Variants in SPAG16 observed in about 807,000 individuals in gnomAD.
The protein encoded by SPAG16 is sperm associated antigen 16, also known as sperm-associated antigen 16 protein.
In SPAG16, 86 loss-of-function variants were observed where a neutral mutation model predicts 80.4. That is an observed-to-expected ratio of 1.07 (90% CI 0.90 to 1.28). The LOEUF (loss-of-function observed/expected upper bound fraction) is 1.28. Ranked by LOEUF, SPAG16 falls within the 50% of genes most tolerant of loss-of-function variation. The pLI is 0.00. For synonymous variants in SPAG16, 294 were observed against 265.9 expected (o/e 1.11, Z -1.03); for missense variants, 870 against 765.3 (o/e 1.14, Z -1.61).
At chr2:213,708,801 A>T (rs146036704) in intron 10 of SPAG16, among the ~76,000 whole-genome samples, 2 of 152,140 alleles carry the variant, frequency 1.3e-5, no homozygotes, top group Non-Finnish European at 2.9e-5. Context: ...GGGGGAAAAA[A>T]GTACTGGGGT....
chr2:213,801,000 C>T (rs933632694), intron 10 of SPAG16, among the ~76,000 whole-genome samples: 8 of 152,080 alleles, frequency 5.3e-5, no homozygotes, highest in African/African-American at 1.9e-4. Flanking sequence ...ACTTTGATAT[C>T]CCATCATTAT....
intron 12 of SPAG16, among the ~76,000 whole-genome samples, chr2:213,988,422 A>T (rs2046122168): frequency 6.6e-6 from 1 of 152,160 alleles, no homozygotes; most frequent in African/African-American, 2.4e-5. Flanking sequence ...AAACTGAATT[A>T]AATTAGAAAT....
intron 15 of SPAG16, among the ~76,000 whole-genome samples, chr2:214,220,544 T>A (rs532993701): frequency 1.3e-5 from 2 of 152,200 alleles, no homozygotes; most frequent in South Asian, 2.1e-4. Flanking sequence ...CATTCACACC[T>A]CTCACGTCCA....
chr2:213,855,391 C>T (rs9288473), intron 10 of SPAG16, among the ~76,000 whole-genome samples: 52,770 of 152,074 alleles, frequency 0.35, 9,620 homozygotes, highest in East Asian at 0.47. Flanking sequence ...TTTGTGACCT[C>T]GGGTGGATCA....
At chr2:213,369,024 C>G (rs1215187683) in intron 8 of SPAG16, among the ~76,000 whole-genome samples, 1 of 152,078 alleles carries the variant, frequency 6.6e-6, no homozygotes, top group Non-Finnish European at 1.5e-5. Flanking sequence ...CAAATACAGG[C>G]TGATTTCTCA....
At chr2:214,042,606 A>T (rs1019531559) in intron 13 of SPAG16, among the ~76,000 whole-genome samples, 1 of 152,202 alleles carries the variant, frequency 6.6e-6, no homozygotes, top group Admixed American at 6.5e-5. Flanking sequence ...AGAAATAAAG[A>T]TAGTTCAATG....
chr2:213,388,078 A>G (rs1412746456), intron 9 of SPAG16, among the ~76,000 whole-genome samples: 1 of 152,156 alleles, frequency 6.6e-6, no homozygotes, highest in Non-Finnish European at 1.5e-5. Flanking sequence ...ATTATAGTTA[A>G]GTTGGGTCAA....
At chr2:213,501,618 C>G in intron 10 of SPAG16, among the ~76,000 whole-genome samples, 1 of 152,216 alleles carries the variant, frequency 6.6e-6, no homozygotes, top group East Asian at 1.9e-4. Flanking sequence ...AAATAACTAC[C>G]GTAATTTCTT....
At position 213,727,325 on chromosome 2, in the gene SPAG16, T is replaced by A. The variant is rs1029390801; in HGVS notation, c.1071-135160T>A. The stretch of plus-strand genomic sequence containing the variant: ...CTGCAGAAGAGACTGGCAGTTTTTT[T>A]AAAAAAAAGTTTAAAAATAATTTAA... On this transcript the variant is annotated intron_variant, in intron 10 of 15. Coordinates refer to ENST00000331683, the MANE Select transcript of SPAG16 (RefSeq NM_024532.5). Among the ~76,000 whole-genome samples, 11 of 152,234 alleles carry A rather than the reference T, an allele frequency of 7.2e-5. No individual in the cohort carries two copies. The South Asian group carries it at 1.5e-3, about 20-fold the overall frequency.
chr2:213,765,301 G>A (rs1050969852), intron 10 of SPAG16, among the ~76,000 whole-genome samples: 4 of 151,400 alleles, frequency 2.6e-5, no homozygotes, highest in African/African-American at 9.7e-5. Context: ...CCCGGGAGTC[G>A]GAGGTTGCAG....
At chr2:213,927,729 G>C (rs1174683191) in intron 11 of SPAG16, among the ~76,000 whole-genome samples, 1 of 151,984 alleles carries the variant, frequency 6.6e-6, no homozygotes, top group African/African-American at 2.4e-5. Context: ...CTGGCACATG[G>C]TTTAAAACAC....
intron 13 of SPAG16, among the ~76,000 whole-genome samples, chr2:214,060,934 G>T (rs549122721): frequency 2.6e-5 from 4 of 152,260 alleles, no homozygotes; most frequent in African/African-American, 9.6e-5. Flanking sequence ...CAGACATCAG[G>T]CTATGAAGAA....
intron 15 of SPAG16, among the ~76,000 whole-genome samples, chr2:214,379,761 A>G (rs1405559113): frequency 1.3e-5 from 2 of 152,190 alleles, no homozygotes; most frequent in Admixed American, 6.5e-5. Context: ...GATCATCAGA[A>G]TTGATTAGGG....
chr2:213,611,265 A>G (rs975587632), intron 10 of SPAG16, among the ~76,000 whole-genome samples: 3 of 152,162 alleles, frequency 2.0e-5, no homozygotes, highest in African/African-American at 7.2e-5. Flanking sequence ...GGCAAAGGGG[A>G]AGTTTTCCCT....
intron 9 of SPAG16, among the ~76,000 whole-genome samples, chr2:213,430,325 G>A (rs555882448): frequency 1.3e-5 from 2 of 152,140 alleles, no homozygotes; most frequent in East Asian, 1.9e-4. Context: ...AATGAAGAAG[G>A]CCTTTGAGAA....
intron 10 of SPAG16, among the ~76,000 whole-genome samples, chr2:213,799,494 T>C (rs2071248039): frequency 6.6e-6 from 1 of 152,130 alleles, no homozygotes; most frequent in African/African-American, 2.4e-5. Context: ...AATGATAACA[T>C]TACAGAAAAC....
At chr2:214,320,445 T>C (rs1242967674) in intron 15 of SPAG16, among the ~76,000 whole-genome samples, 1 of 152,216 alleles carries the variant, frequency 6.6e-6, no homozygotes, top group African/African-American at 2.4e-5. Context: ...AACCATATTC[T>C]TGTAAGCCCC....
At chr2:214,003,904 G>A (rs911484456) in intron 12 of SPAG16, among the ~76,000 whole-genome samples, 2 of 152,066 alleles carry the variant, frequency 1.3e-5, no homozygotes, top group Non-Finnish European at 2.9e-5. Flanking sequence ...CTACAGCCAA[G>A]GGCTGTTTTA....
rs574101924 is a variant in SPAG16, at chr2:214,094,778, A to G, written c.1528-13418A>G. 2.6e-5 allele frequency among the ~76,000 whole-genome samples: 4 copies of G among 152,170 alleles called. 1 individual carries two copies. Among genetic ancestry groups the G allele is most frequent in the South Asian group, 4.1e-4 (2 of 4,824 alleles). The stretch of plus-strand genomic sequence containing the variant: ...TTATTCTGTGCCTGCCCAACAATGT[A>G]TATTTGGTAATATGGGGTAGATGAT... On this transcript the variant is annotated intron_variant, in intron 13 of 15. Transcript: ENST00000331683.
Sources: allele counts gnomAD v4.1 joint callset (sites outside exome capture counted in the v4.1 genomes callset), GRCh38; gene constraint gnomAD v4.1.1; transcripts MANE v1.5; gene names NCBI Gene and HGNC (gene_info 2026-07-23, HGNC 2026-07-21).